RPAP2: variants seen among roughly 807,000 people sequenced by gnomAD.
RPAP2 encodes RNA polymerase II associated protein 2.
RPAP2 carries 52 observed loss-of-function variants against 73.1 expected under a neutral mutation model. That is an observed-to-expected ratio of 0.71 (90% CI 0.57 to 0.90). The LOEUF is 0.90. Ranked by LOEUF, RPAP2 falls within the 40% of genes least tolerant of loss-of-function variation. The pLI is 0.00. For synonymous variants in RPAP2, 225 were observed against 242.1 expected, an observed-to-expected ratio of 0.93 and a Z score of 0.65; for missense variants, 598 against 701.8, an observed-to-expected ratio of 0.85 and a Z score of 1.67.
At chr1:92,301,450 G>T (rs1423547680) in intron 2 of RPAP2, 26 bp from the exon 3 acceptor site, 2 of 1,236,268 alleles carry the variant, frequency 1.6e-6, no homozygotes, top group Admixed American at 3.9e-5. Flanking sequence ...CTTTTAAGTA[G>T]ATTAAGTTTC....
At chr1:92,305,027 C>T (rs1651103663) in intron 5 of RPAP2, among the ~76,000 whole-genome samples, 1 of 152,046 alleles carries the variant, frequency 6.6e-6, no homozygotes, top group Non-Finnish European at 1.5e-5. Context: ...CCCAGCTACT[C>T]AGAAAGCTGA....
chr1:92,334,830 C>CA (rs907894290), intron 9 of RPAP2, among the ~76,000 whole-genome samples: 2 of 151,318 alleles, frequency 1.3e-5, no homozygotes, highest in African/African-American at 4.9e-5. Flanking sequence ...ACTAAAAATA[C>CA]AAAAAAAATT....
intron 4 of RPAP2, 28 bp downstream of exon 4, chr1:92,304,103 AG>A: frequency 6.7e-7 from 1 of 1,485,746 alleles, no homozygotes; most frequent in Non-Finnish European, 9.3e-7. Context: ...TTTAAAATAT[AG>A]GCTTTTATTA....
chr1:92,305,083 C>T (rs937817360), intron 5 of RPAP2, among the ~76,000 whole-genome samples: 13 of 151,462 alleles, frequency 8.6e-5, no homozygotes, highest in Non-Finnish European at 1.5e-4. Flanking sequence ...TACAGTGAGC[C>T]GAGATCATGC....
intron 8 of RPAP2, chr1:92,333,123 C>T (rs1653071498): frequency 2.8e-6 from 1 of 362,244 alleles, no homozygotes; most frequent in Non-Finnish European, 5.0e-6. Context: ...TTTTTGTTTA[C>T]ATTTTATTAT....
At chr1:92,337,757 C>T (rs954512354) in intron 10 of RPAP2, among the ~76,000 whole-genome samples, 8 of 151,620 alleles carry the variant, frequency 5.3e-5, no homozygotes, top group Admixed American at 5.3e-4. Flanking sequence ...GGAATTTTTC[C>T]AACTCATGAT....
chr1:92,347,142 T>C (rs987964321), intron 11 of RPAP2, among the ~76,000 whole-genome samples: 9 of 152,210 alleles, frequency 5.9e-5, no homozygotes, highest in African/African-American at 2.2e-4. Context: ...AATCAGAACA[T>C]AGAAAATAAC....
At chr1:92,336,789 T>C (rs1198844884) in intron 10 of RPAP2, among the ~76,000 whole-genome samples, 3 of 152,038 alleles carry the variant, frequency 2.0e-5, no homozygotes, top group East Asian at 3.9e-4. Flanking sequence ...AAAAGAAACA[T>C]AGTGCCACCC....
chr1:92,324,882 A>C (rs1487101605), intron 8 of RPAP2, among the ~76,000 whole-genome samples: 2 of 152,216 alleles, frequency 1.3e-5, no homozygotes, highest in Non-Finnish European at 2.9e-5. Context: ...AGAGAATGGA[A>C]AGCACATTCA....
At chr1:92,382,002 G>A (rs1655660727) in intron 12 of RPAP2, among the ~76,000 whole-genome samples, 2 of 147,458 alleles carry the variant, frequency 1.4e-5, no homozygotes, top group East Asian at 4.0e-4. Context: ...TCCCACCTAT[G>A]AGTGAGAACA....
rs973171224 is a variant in RPAP2 at position 92,401,585 on chromosome 1, A to G, written c.*14574A>G. On this transcript the variant is annotated 3_prime_UTR_variant, in exon 13 of 13. Coordinates refer to ENST00000610020, the MANE Select transcript of RPAP2 (RefSeq NM_024813.3). Reference sequence around the variant, plus strand: ...AATACTGGATATAAGTGGTGAAAGCACATATCCTCCCCTTGTTCCTAATTT... The same window carrying G: ...AATACTGGATATAAGTGGTGAAAGCGCATATCCTCCCCTTGTTCCTAATTT... 6.6e-6 allele frequency: 1 copy of G among 152,240 alleles called. No homozygotes were observed. The highest frequency in any genetic ancestry group is 2.4e-5 in the African/African-American group (1 of 41,462). The allele number at this position is 152,240 out of a possible 1,614,324, so 9.4% of individuals were successfully genotyped here. A position where few individuals can be genotyped will look rare whatever the true frequency, so the allele number is the denominator to read the frequency against.
At chr1:92,364,379 A>T (rs1654848714) in intron 11 of RPAP2, among the ~76,000 whole-genome samples, 2 of 152,196 alleles carry the variant, frequency 1.3e-5, no homozygotes. Context: ...GACAAATATA[A>T]GGAAGAAAAG....
chr1:92,358,911 A>G (rs78613909), intron 11 of RPAP2, among the ~76,000 whole-genome samples: 2 of 152,246 alleles, frequency 1.3e-5, no homozygotes, highest in East Asian at 3.9e-4. Flanking sequence ...TTTAAAAAAA[A>G]CAAAACAGAA....
chr1:92,309,139 A>G (rs1459295354), intron 6 of RPAP2, among the ~76,000 whole-genome samples: 1 of 151,716 alleles, frequency 6.6e-6, no homozygotes, highest in African/African-American at 2.4e-5. Context: ...CTCACTAAAA[A>G]AGAAAGATGA....
At chr1:92,385,741 C>CCAAACAAA (rs537766898) in intron 12 of RPAP2, among the ~76,000 whole-genome samples, 1 of 152,078 alleles carries the variant, frequency 6.6e-6, no homozygotes, top group East Asian at 1.9e-4. Context: ...ACAAATTTCT[C>CCAAACAAA]CAAACAAACA....
intron 8 of RPAP2, among the ~76,000 whole-genome samples, chr1:92,331,750 C>G (rs1652983266): frequency 6.6e-6 from 1 of 152,158 alleles, no homozygotes; most frequent in East Asian, 1.9e-4. Context: ...GTTTTTCATT[C>G]CTTCTTCTAT....
At chr1:92,384,812 A>G (rs2101457468) in intron 12 of RPAP2, among the ~76,000 whole-genome samples, 1 of 152,138 alleles carries the variant, frequency 6.6e-6, no homozygotes, top group East Asian at 1.9e-4. Context: ...TGGAATTTAA[A>G]CCAATCATAC....
intron 6 of RPAP2, among the ~76,000 whole-genome samples, chr1:92,320,368 G>A (rs1652177924): frequency 1.3e-5 from 2 of 152,124 alleles, no homozygotes; most frequent in African/African-American, 4.8e-5. Flanking sequence ...TGTCTCCCTG[G>A]TTCAAGCGAT....
chr1:92,305,813 G>A (rs1651191474), intron 5 of RPAP2, among the ~76,000 whole-genome samples: 1 of 152,186 alleles, frequency 6.6e-6, no homozygotes, highest in Non-Finnish European at 1.5e-5. Context: ...AATTGCGAAT[G>A]TTAGGAAATC....
Sources: gnomAD v4.1 joint callset for allele counts (sites outside exome capture counted in the v4.1 genomes callset) on GRCh38, gnomAD v4.1.1 for gene constraint, MANE v1.5 for transcripts, NCBI Gene and HGNC (gene_info 2026-07-23, HGNC 2026-07-21) for gene names.